PLEKHH1: variants seen among roughly 807,000 people sequenced by gnomAD.
PLEKHH1 encodes pleckstrin homology domain-containing family H member 1.
A neutral mutation model predicts 160.0 loss-of-function variants in PLEKHH1; 104 were observed. That is an observed-to-expected ratio of 0.65 (90% CI 0.55 to 0.76). The LOEUF (loss-of-function observed/expected upper bound fraction) is 0.76. Ranked by LOEUF, PLEKHH1 falls within the 30% of genes least tolerant of loss-of-function variation. PLEKHH1 has a pLI of 0.00. For synonymous variants in PLEKHH1, 619 were observed against 678.4 expected (o/e 0.91, Z 1.36); for missense variants, 1,427 against 1,724.1 (o/e 0.83, Z 3.05).
intron 27 of PLEKHH1, 36 bp from the exon 28 acceptor site, chr14:67,585,915 A>T: frequency 6.3e-7 from 1 of 1,589,200 alleles, no homozygotes; most frequent in Non-Finnish European, 8.6e-7. Context: ...GGACAGGTGG[A>T]AAGTTTCCCC....
chr14:67,585,659 GA>G lies in PLEKHH1; in HGVS notation c.3786+8del. On this transcript the variant is annotated splice_donor_region_variant and intron_variant, in intron 27 of 28. Coordinates refer to ENST00000329153, the MANE Select transcript of PLEKHH1 (RefSeq NM_020715.3). Reference sequence around the variant, plus strand: ...ATCCTGGACCACAACACTATGGTATGAAAGGATGCAGGCTGCTCCCTGACCC... The same window carrying G: ...ATCCTGGACCACAACACTATGGTATGAAGGATGCAGGCTGCTCCCTGACCC... 1 of 1,545,740 alleles carries G rather than the reference GA, an allele frequency of 6.5e-7. No homozygotes were observed. The highest frequency in any genetic ancestry group is 8.8e-7 in the Non-Finnish European group (1 of 1,136,524).
In PLEKHH1 at chr14:67,573,768, C is replaced by G. The variant is rs2035494633; in HGVS notation, c.1840-33C>G. 1.4e-6 allele frequency: 2 copies of G among 1,408,758 alleles called. No homozygotes were observed. Among genetic ancestry groups the G allele is most frequent in the Non-Finnish European group, 2.0e-6 (2 of 992,296 alleles). The allele number at this position is 1,408,758 out of a possible 1,614,324, so 87.3% of individuals were successfully genotyped here. A position where few individuals can be genotyped will look rare whatever the true frequency, so the allele number is the denominator to read the frequency against. ...AGGTGCTCCGGAAAGGCTCCACATT[C>G]AGTGGCTCTCCTCTCCAATACTTTC... On this transcript the variant is annotated intron_variant, in intron 12 of 28. Transcript: ENST00000329153. The surrounding 1 kb of genome is among the most constrained non-coding windows in gnomAD (Gnocchi z 4.8).
In PLEKHH1 at chr14:67,561,942, CT is replaced by C. The variant is rs745436875; in HGVS notation, c.424-7del. On this transcript the variant is annotated splice_polypyrimidine_tract_variant and intron_variant, in intron 5 of 28. Coordinates refer to ENST00000329153, the MANE Select transcript of PLEKHH1 (RefSeq NM_020715.3). ...CTGGGTGTCCTAAATCTTCATTTTT[CT>C]TTTTGCTCAGCTTGAGATGGAGAAT... 2 of 1,599,212 alleles carry C rather than the reference CT, an allele frequency of 1.3e-6. No individual in the cohort carries two copies. Among genetic ancestry groups the C allele is most frequent in the East Asian group, 2.2e-5 (1 of 44,644 alleles).
At position 67,579,236 on chromosome 14, in the gene PLEKHH1, C is replaced by T. The variant is rs78488064; in HGVS notation, c.2952C>T (p.Ser984=). The T allele has an allele frequency of 5.2e-3, 8,313 of 1,609,614 alleles. 23 individuals carry two copies. The highest frequency in any genetic ancestry group is 6.5e-3 in the Non-Finnish European group (7,611 of 1,178,226). Residue 984 remains serine, a synonymous_variant, in exon 21 of 29, where the codon TCC becomes TCT. Transcript: ENST00000329153. The part of the protein sequence containing the change: ...EARPSRMEVV[S]ILLRNPFHHS... ...GGCCATCGCGCATGGAAGTGGTGTC[C>T]ATCCTGCTGCGTAACCCCTTCCACC...
intron 9 of PLEKHH1, 29 bp downstream of exon 9, chr14:67,570,041 G>T (rs745521473): frequency 4.9e-5 from 69 of 1,420,908 alleles, no homozygotes; most frequent in Non-Finnish European, 6.6e-5. Flanking sequence ...AAGAGGGGGT[G>T]TCTCATCAGG....
At chr14:67,586,999 A>G in intron 28 of PLEKHH1, 75 bp from the exon 29 acceptor site, 4 of 1,524,192 alleles carry the variant, frequency 2.6e-6, no homozygotes, top group Non-Finnish European at 3.6e-6. Context: ...ACTCAGCATA[A>G]GAGCTAATAA....
At chr14:67,557,231 G>T (rs1450981986) in intron 3 of PLEKHH1, 38 bp from the exon 4 acceptor site, 2 of 1,599,170 alleles carry the variant, frequency 1.3e-6, no homozygotes, top group South Asian at 2.2e-5. Flanking sequence ...CCCCGTGTGA[G>T]TGATGGGAAG....
At chr14:67,571,493 TG>T in intron 9 of PLEKHH1, 1 of 403,320 alleles carries the variant, frequency 2.5e-6, no homozygotes, top group South Asian at 5.2e-5. Flanking sequence ...AGGGTCACAG[TG>T]GGCAGGCATT....
intron 28 of PLEKHH1, chr14:67,586,460 CTCGCATGTTACCCCTGGGT>C: frequency 7.8e-7 from 1 of 1,276,362 alleles, no homozygotes; most frequent in South Asian, 1.2e-5. Context: ...CTTTAAGGTG[CTCGCATGTTACCCCTGGGT>C]TCTGCTGACC....
chr14:67,556,763 T>C (rs1242442607), intron 3 of PLEKHH1, among the ~76,000 whole-genome samples: 1 of 152,208 alleles, frequency 6.6e-6, no homozygotes, highest in Non-Finnish European at 1.5e-5. Context: ...ACATACATAC[T>C]TGAGTCTAGA....
intron 2 of PLEKHH1, among the ~76,000 whole-genome samples, chr14:67,549,926 T>G (rs1055447044): frequency 2.0e-5 from 3 of 152,196 alleles, no homozygotes; most frequent in Non-Finnish European, 2.9e-5. Flanking sequence ...CTTACGCCCT[T>G]GAAAGTCTCT....
chr14:67,544,407 C>A (rs772456375), intron 2 of PLEKHH1, among the ~76,000 whole-genome samples: 2 of 151,800 alleles, frequency 1.3e-5, no homozygotes, highest in Non-Finnish European at 2.9e-5. Flanking sequence ...AGACACAAGA[C>A]CTCAATTCAG....
intron 27 of PLEKHH1, 46 bp from the exon 28 acceptor site, chr14:67,585,905 G>A (rs780014336): frequency 1.3e-6 from 2 of 1,576,654 alleles, no homozygotes; most frequent in East Asian, 2.2e-5. Flanking sequence ...CTAGCTCAGG[G>A]GACAGGTGGA....
In PLEKHH1 at chr14:67,572,684, T is replaced by C. The variant is rs148317298; in HGVS notation, c.1728+407T>C. Among the ~76,000 whole-genome samples, 534 of 152,292 alleles carry C rather than the reference T, an allele frequency of 3.5e-3. 7 individuals carry two copies. Among genetic ancestry groups the C allele is most frequent in the African/African-American group, 0.012 (517 of 41,550 alleles). ...TGTCCTCACAATCCTCTTGGGGTCA[T>C]TAGCCCATCTTATGGATGAGAAGCC... On this transcript the variant is annotated intron_variant, in intron 11 of 28. Coordinates refer to ENST00000329153, the MANE Select transcript of PLEKHH1 (RefSeq NM_020715.3).
At chr14:67,560,762 C>A (rs7148708) in intron 5 of PLEKHH1, among the ~76,000 whole-genome samples, 1 of 145,280 alleles carries the variant, frequency 6.9e-6, no homozygotes, top group South Asian at 2.2e-4. Context: ...CGGAGTCTCG[C>A]TCTTGTTTCC....
rs1448849497 is a variant in PLEKHH1, at chr14:67,578,403, TC to T, written c.2752-128del. On this transcript the variant is annotated intron_variant, in intron 19 of 28. Coordinates refer to ENST00000329153, the MANE Select transcript of PLEKHH1 (RefSeq NM_020715.3). This position sits in a 1 kb window ranked among gnomAD's most constrained non-coding sequence, Gnocchi z 5.0. ...GGACACAGCCTGACCAAGTTGGCCA[TC>T]CCAGCACCCAGAGCAAGTTGGGGGC... 16 of 804,904 alleles carry T rather than the reference TC, an allele frequency of 2.0e-5. No individual in the cohort carries two copies. The highest frequency in any genetic ancestry group is 3.1e-5 in the Non-Finnish European group (15 of 487,590). 49.9% of individuals were successfully genotyped at this position (804,904 alleles called of 1,614,324 possible).
intron 23 of PLEKHH1, 93 bp downstream of exon 23, chr14:67,581,131 G>A: frequency 3.8e-6 from 3 of 794,596 alleles, no homozygotes; most frequent in Admixed American, 3.8e-5. Flanking sequence ...TATCCAGACG[G>A]GGGGAGGGAC....
chr14:67,558,631 C>T (rs530262417), intron 4 of PLEKHH1, among the ~76,000 whole-genome samples: 1 of 152,296 alleles, frequency 6.6e-6, no homozygotes, highest in African/African-American at 2.4e-5. Flanking sequence ...AGGTCAATCT[C>T]ATAAAAGAAA....
At chr14:67,569,822 G>A (rs1457557645) in intron 8 of PLEKHH1, 99 bp from the exon 9 acceptor site, 14 of 764,576 alleles carry the variant, frequency 1.8e-5, no homozygotes, top group Non-Finnish European at 3.2e-5. Flanking sequence ...TCACTGGCCT[G>A]CTCCTGGAGG....
Sources: gnomAD v4.1 joint callset for allele counts (sites outside exome capture counted in the v4.1 genomes callset) on GRCh38, gnomAD v4.1.1 for gene constraint, Gnocchi (gnomAD v3.1) non-coding constraint, MANE v1.5 for transcripts, NCBI Gene and HGNC (gene_info 2026-07-23, HGNC 2026-07-21) for gene names.